Variants in SPATA13 observed in about 807,000 individuals in gnomAD.
SPATA13 encodes spermatogenesis-associated protein 13.
SPATA13 carries 50 observed loss-of-function variants against 104.0 expected under a neutral mutation model. The observed-to-expected ratio is 0.48, with a 90% confidence interval of 0.38 to 0.61. The LOEUF is 0.61. Ranked by LOEUF, SPATA13 falls within the 20% of genes least tolerant of loss-of-function variation. The probability of loss-of-function intolerance (pLI) is 0.00; values close to 1 mark genes in which losing one functional copy is unlikely to be tolerated. For missense variants in SPATA13, 1,524 were observed against 1,690.6 expected, an observed-to-expected ratio of 0.90 and a Z score of 1.73; for synonymous variants, 606 against 667.5, an observed-to-expected ratio of 0.91 and a Z score of 1.42.
intron 3 of SPATA13, among the ~76,000 whole-genome samples, chr13:24,075,941 G>A (rs1318161913): frequency 6.6e-6 from 1 of 152,160 alleles, no homozygotes; most frequent in Non-Finnish European, 1.5e-5. Context: ...ACCAAAAATA[G>A]TCTAGAATGG....
chr13:24,296,932 T>C (rs1237614930), intron 10 of SPATA13, among the ~76,000 whole-genome samples: 1 of 152,226 alleles, frequency 6.6e-6, no homozygotes, highest in Non-Finnish European at 1.5e-5. Context: ...CTCAGGTACC[T>C]AGAAAGTCTG....
intron 4 of SPATA13, among the ~76,000 whole-genome samples, chr13:24,277,966 C>G (rs933781833): frequency 2.0e-5 from 3 of 152,044 alleles, no homozygotes; most frequent in African/African-American, 7.3e-5. Context: ...GAGTCATTAA[C>G]TTTAAGGGAC....
rs114081949 is a variant in SPATA13, at chr13:24,185,044, G to T, written c.-112+24112G>T. ...TTGAAAGGCACGTGTATCGAGCATT[G>T]TGTTTTGCTTCTCCAGGGGACCTGC... On this transcript the variant is annotated intron_variant, in intron 1 of 12. Transcript: ENST00000382108. Among the ~76,000 whole-genome samples the T allele has an allele frequency of 3.4e-3, 514 of 152,316 alleles. 5 individuals are homozygous for T. The highest frequency in any genetic ancestry group is 0.012 in the African/African-American group (496 of 41,572).
chr13:24,241,047 C>A (rs1294611473), intron 2 of SPATA13, among the ~76,000 whole-genome samples: 7 of 152,130 alleles, frequency 4.6e-5, no homozygotes, highest in Non-Finnish European at 5.9e-5. Context: ...TGCATGTCAC[C>A]CCATTCCGTA....
intron 3 of SPATA13, chr13:24,251,404 C>T (rs1873471278): frequency 1.1e-6 from 1 of 908,052 alleles, no homozygotes; most frequent in African/African-American, 1.8e-5. Flanking sequence ...TGTGACAACT[C>T]CACTGCTTCC....
At chr13:24,289,855 A>G (rs1330428793) in intron 8 of SPATA13, among the ~76,000 whole-genome samples, 2 of 152,234 alleles carry the variant, frequency 1.3e-5, no homozygotes, top group Non-Finnish European at 2.9e-5. Context: ...TAATAATAAT[A>G]ACAATGACAG....
intron 4 of SPATA13, among the ~76,000 whole-genome samples, chr13:24,279,931 C>T (rs543912461): frequency 2.3e-4 from 35 of 152,356 alleles, no homozygotes; most frequent in East Asian, 1.2e-3. Context: ...TCCGCAGTGT[C>T]GCTAACTACT....
chr13:24,150,710 A>C (rs151236254), intron 3 of SPATA13, among the ~76,000 whole-genome samples: 66 of 152,280 alleles, frequency 4.3e-4, no homozygotes, highest in South Asian at 6.2e-4. Flanking sequence ...GGATTCAGGC[A>C]GGCTTTTGTG....
In SPATA13 at chr13:24,305,841, A is replaced by C. The variant is rs1314550296; in HGVS notation, c.*3068A>C. ...AACCTTTTCAATTGTGATCATACCT[A>C]AAACATATAAAAACCCTGCCGTAGA... On this transcript the variant is annotated 3_prime_UTR_variant, in exon 13 of 13. Transcript: ENST00000382108. The C allele has an allele frequency of 1.3e-5, 2 of 152,230 alleles. No individual in the cohort carries two copies. Among genetic ancestry groups the C allele is most frequent in the Non-Finnish European group, 2.9e-5 (2 of 68,050 alleles). 9.4% of individuals were successfully genotyped at this position (152,230 alleles called of 1,614,324 possible).
intron 2 of SPATA13, among the ~76,000 whole-genome samples, chr13:24,009,493 T>C (rs1876374118): frequency 6.6e-6 from 1 of 152,176 alleles, no homozygotes; most frequent in South Asian, 2.1e-4. Flanking sequence ...GACATGAGAC[T>C]TCAGTCAAAG....
At chr13:24,059,072 C>T (rs947480838) in intron 3 of SPATA13, among the ~76,000 whole-genome samples, 3 of 151,802 alleles carry the variant, frequency 2.0e-5, no homozygotes, top group Non-Finnish European at 4.4e-5. Context: ...CCTGGGTTTA[C>T]GCCATTCTCC....
Position 24,290,682 on chromosome 13 carries a change from T to A in SPATA13, c.2878T>A (p.Cys960Ser), listed in dbSNP as rs1256386004. ...QEGFAIYSEY[C>S]NNHPGACLEL... The stretch of plus-strand genomic sequence containing the variant: ...GGGCTTTGCCATCTATTCCGAGTAC[T>A]GCAACAACCACCCGGGCGCCTGCCT... The change falls in exon 9 of 13, where the codon TGC (cysteine) becomes AGC (serine). Residue 960 changes from cysteine to serine, a missense_variant. This residue lies in a region of SPATA13 where 435 missense variants were observed against 554.8 expected (regional missense o/e 0.78). Coordinates refer to ENST00000382108, the MANE Select transcript of SPATA13 (RefSeq NM_001166271.3). 1 of 1,614,202 alleles carries A rather than the reference T, an allele frequency of 6.2e-7. No homozygotes were observed. Among genetic ancestry groups the A allele is most frequent in the Non-Finnish European group, 8.5e-7 (1 of 1,180,030 alleles).
At chr13:24,150,810 A>T (rs1275042947) in intron 3 of SPATA13, among the ~76,000 whole-genome samples, 1 of 152,076 alleles carries the variant, frequency 6.6e-6, no homozygotes, top group East Asian at 1.9e-4. Context: ...GCCCACCCAC[A>T]TGGCAGAGGA....
chr13:24,115,031 A>G (rs1235911417), intron 3 of SPATA13, among the ~76,000 whole-genome samples: 1 of 152,162 alleles, frequency 6.6e-6, no homozygotes, highest in African/African-American at 2.4e-5. Flanking sequence ...TTCCAGAAAC[A>G]TTGTTTTAGG....
At chr13:24,130,867 T>A (rs1593349223) in intron 3 of SPATA13, among the ~76,000 whole-genome samples, 1 of 152,228 alleles carries the variant, frequency 6.6e-6, no homozygotes, top group East Asian at 1.9e-4. Flanking sequence ...TTAACATATG[T>A]AATGTAAGGA....
intron 9 of SPATA13, among the ~76,000 whole-genome samples, chr13:24,291,630 C>T (rs1185476323): frequency 1.3e-5 from 2 of 152,372 alleles, no homozygotes; most frequent in East Asian, 1.9e-4. Flanking sequence ...CATCTCCCTT[C>T]GAGCTTCCTT....
chr13:24,025,349 TA>T, intron 3 of SPATA13, among the ~76,000 whole-genome samples: 1 of 152,238 alleles, frequency 6.6e-6, no homozygotes, highest in South Asian at 2.1e-4. Flanking sequence ...AAAATATATA[TA>T]ATAATAATAC....
At chr13:24,277,316 C>T (rs186315476) in intron 4 of SPATA13, among the ~76,000 whole-genome samples, 12 of 151,848 alleles carry the variant, frequency 7.9e-5, no homozygotes, top group African/African-American at 1.9e-4. Context: ...TGGTGGCGGG[C>T]GCCTGTAGTC....
intron 3 of SPATA13, among the ~76,000 whole-genome samples, chr13:24,033,290 G>A (rs867059199): frequency 6.6e-6 from 1 of 152,208 alleles, no homozygotes; most frequent in Non-Finnish European, 1.5e-5. Context: ...AAGAAAAAAA[G>A]CAATCAAGTC....
Sources: allele counts gnomAD v4.1 joint callset (sites outside exome capture counted in the v4.1 genomes callset), GRCh38; gene constraint gnomAD v4.1.1; regional missense constraint gnomAD v4.1.1; transcripts MANE v1.5; gene names NCBI Gene and HGNC (gene_info 2026-07-23, HGNC 2026-07-21).